DSE: variants seen among roughly 807,000 people sequenced by gnomAD.
DSE encodes the protein dermatan sulfate epimerase.
In DSE, 36 loss-of-function variants were observed where a neutral mutation model predicts 84.4. The ratio of observed to expected loss-of-function variants is 0.43; its 90% CI spans 0.33 to 0.56. DSE has a LOEUF of 0.56. Among genes scored for constraint, DSE ranks in the 20% least tolerant of loss-of-function variants. The probability of loss-of-function intolerance (pLI) is 0.06; values close to 1 mark genes in which losing one functional copy is unlikely to be tolerated. For synonymous variants in DSE, 410 were observed against 430.1 expected, an observed-to-expected ratio of 0.95 and a Z score of 0.58; for missense variants, 862 against 1,169.6, an observed-to-expected ratio of 0.74 and a Z score of 3.84.
rs1012617810 is a variant in DSE, at chr6:116,375,633, G to A, written c.-54+4512G>A. 13 of 853,894 alleles carry A rather than the reference G, an allele frequency of 1.5e-5. No homozygotes were observed. The East Asian group carries it at 1.6e-3, about 105-fold the overall frequency. The allele number at this position is 853,894 out of a possible 1,614,324, so 52.9% of individuals were successfully genotyped here. On this transcript the variant is annotated intron_variant, in intron 1 of 5. Transcript: ENST00000644252. ...GTTGATGCTGAAGTCTTGCAGAAAA[G>A]AATCAAACTAGAAAGAGAAATACAA...
At chr6:116,330,551 T>G (rs1233592049) in intron 2 of DSE, among the ~76,000 whole-genome samples, 1 of 152,192 alleles carries the variant, frequency 6.6e-6, no homozygotes, top group African/African-American at 2.4e-5. Flanking sequence ...TACCACCGAT[T>G]TTGGTAATAA....
At chr6:116,327,963 C>T (rs1217689096) in intron 2 of DSE, among the ~76,000 whole-genome samples, 1 of 152,156 alleles carries the variant, frequency 6.6e-6, no homozygotes, top group African/African-American at 2.4e-5. Context: ...CAGAGGAGCA[C>T]ATCAAAGCCA....
At chr6:116,256,687 ATTAT>A (rs1031396612) in intron 1 of DSE, 1 of 152,170 alleles carries the variant, frequency 6.6e-6, no homozygotes, top group Non-Finnish European at 1.5e-5. Context: ...ATGAATCTTG[ATTAT>A]TTAAGTGAAA....
upstream of DSE, among the ~76,000 whole-genome samples, chr6:116,365,680 A>G (rs777927037): frequency 2.6e-5 from 4 of 152,250 alleles, no homozygotes; most frequent in Admixed American, 6.5e-5. Context: ...CATATGGGGT[A>G]TCTGGACTTC....
chr6:116,309,419 A>G (rs1221494848), intron 2 of DSE, among the ~76,000 whole-genome samples: 2 of 152,182 alleles, frequency 1.3e-5, no homozygotes, highest in Non-Finnish European at 2.9e-5. Flanking sequence ...GCTCCTTTAT[A>G]TGTTTAACTA....
At position 116,435,606 on chromosome 6, in the gene DSE, T is replaced by G; in HGVS notation, c.1138T>G (p.Ser380Ala). Residue 380 changes from serine to alanine, a missense_variant, in exon 6 of 6, where the codon TCG (serine) becomes GCG (alanine). By Grantham distance (99) the Ser-to-Ala change is moderately conservative. Transcript: ENST00000644252. ...TTTCAGGTATGATGGCAGCTTGAAA[T>G]CGGTTCCTCCTCCAGACTTTGGCAC... The part of the protein sequence containing the change: ...EFLWYDGSLK[S>A]VPPPDFGTPT... 6.4e-7 allele frequency: 1 copy of G among 1,573,814 alleles called. No homozygotes were observed. Among genetic ancestry groups the G allele is most frequent in the Non-Finnish European group, 8.6e-7 (1 of 1,161,104 alleles).
intron 2 of DSE, among the ~76,000 whole-genome samples, chr6:116,418,685 C>T (rs897662228): frequency 6.6e-6 from 1 of 152,190 alleles, no homozygotes; most frequent in Non-Finnish European, 1.5e-5. Flanking sequence ...GAGCCACTGA[C>T]TCTGGCATGT....
chr6:116,340,235 CTT>C (rs1328895749), intron 2 of DSE, among the ~76,000 whole-genome samples: 2 of 152,108 alleles, frequency 1.3e-5, no homozygotes, highest in African/African-American at 4.8e-5. Flanking sequence ...CCTTCTCTCT[CTT>C]GTTTCCTTCT....
At chr6:116,349,158 A>G (rs906710173) in intron 2 of DSE, among the ~76,000 whole-genome samples, 1 of 152,142 alleles carries the variant, frequency 6.6e-6, no homozygotes, top group Non-Finnish European at 1.5e-5. Flanking sequence ...ATATATCAAT[A>G]TTTATATACA....
intron 2 of DSE, among the ~76,000 whole-genome samples, chr6:116,301,823 C>G (rs1775059571): frequency 6.6e-6 from 1 of 152,128 alleles, no homozygotes; most frequent in South Asian, 2.1e-4. Flanking sequence ...GTGTGATGTT[C>G]CCCTCCCTGT....
chr6:116,261,379 A>G (rs1772408463), intron 2 of DSE, among the ~76,000 whole-genome samples: 1 of 151,894 alleles, frequency 6.6e-6, no homozygotes, highest in Non-Finnish European at 1.5e-5. Context: ...TTGTGTGGCT[A>G]TTGTGAATGG....
In DSE at chr6:116,279,184, T is replaced by G. The variant is rs753490319; in HGVS notation, c.-54+20217T>G. On this transcript the variant is annotated intron_variant, in intron 2 of 3. Coordinates refer to the DSE transcript ENST00000430252. ...ATGCAAAGGCCAGGGCCCTTCTTCC[T>G]CCCTCGCCTCCTCCTCCAATCTATC... 40 of 1,611,874 alleles carry G rather than the reference T, an allele frequency of 2.5e-5. No homozygotes were observed. In the South Asian group the frequency reaches 4.3e-4, roughly 17 times the overall value.
intron 1 of DSE, among the ~76,000 whole-genome samples, chr6:116,397,560 T>C (rs1781341539): frequency 6.6e-6 from 1 of 152,086 alleles, no homozygotes; most frequent in South Asian, 2.1e-4. Flanking sequence ...GGACTGAGCA[T>C]TACCTCAGAC....
chr6:116,430,441 A>G (rs1477931193), intron 3 of DSE, among the ~76,000 whole-genome samples: 1 of 152,258 alleles, frequency 6.6e-6, no homozygotes, highest in Non-Finnish European at 1.5e-5. Flanking sequence ...TCTTGCCAAC[A>G]TAAAGTTATA....
At chr6:116,344,437 C>T (rs941392844) in intron 2 of DSE, among the ~76,000 whole-genome samples, 4 of 152,188 alleles carry the variant, frequency 2.6e-5, no homozygotes, top group African/African-American at 9.6e-5. Context: ...GCGGATCTCT[C>T]GGCAGAAACT....
chr6:116,429,362 A>G (rs557188339), intron 3 of DSE, among the ~76,000 whole-genome samples: 1 of 152,336 alleles, frequency 6.6e-6, no homozygotes, highest in African/African-American at 2.4e-5. Context: ...CACACCTGCC[A>G]CATAGTAGGC....
At chr6:116,359,915 A>G (rs891066871) in intron 2 of DSE, among the ~76,000 whole-genome samples, 10 of 152,216 alleles carry the variant, frequency 6.6e-5, no homozygotes, top group East Asian at 5.8e-4. Flanking sequence ...AGTAGCATCC[A>G]AAGAAAGCAC....
chr6:116,371,267 T>C (rs1308321294), intron 1 of DSE, 146 bp downstream of exon 1: 1 of 947,802 alleles, frequency 1.1e-6, no homozygotes, highest in Non-Finnish European at 1.3e-6. Flanking sequence ...CGCCGCGGGT[T>C]GCGCGCCCGG....
At chr6:116,260,227 A>G (rs1772353651) in intron 2 of DSE, among the ~76,000 whole-genome samples, 1 of 152,156 alleles carries the variant, frequency 6.6e-6, no homozygotes, top group African/African-American at 2.4e-5. Context: ...GCATTTCTCT[A>G]ATAATCAGTG....
Sources: allele counts gnomAD v4.1 joint callset (sites outside exome capture counted in the v4.1 genomes callset), GRCh38; gene constraint gnomAD v4.1.1; transcripts MANE v1.5; gene names NCBI Gene and HGNC (gene_info 2026-07-23, HGNC 2026-07-21).